Variants in TMEM247 observed in about 807,000 individuals in gnomAD.
TMEM247 encodes transmembrane protein 247.
In TMEM247, 23 loss-of-function variants were observed where a neutral mutation model predicts 20.7. That is an observed-to-expected ratio of 1.11 (90% CI 0.80 to 1.57). The LOEUF (loss-of-function observed/expected upper bound fraction) is 1.57, where lower values mean the gene tolerates loss of function less well. Among genes scored for constraint, TMEM247 ranks in the 40% most tolerant of loss-of-function variants. The probability of loss-of-function intolerance (pLI) is 0.00; values close to 1 mark genes in which losing one functional copy is unlikely to be tolerated. For missense variants in TMEM247, 354 were observed against 283.8 expected (o/e 1.25, Z -1.78); for synonymous variants, 106 against 111.9 (o/e 0.95, Z 0.33).
rs73929737 is a variant in TMEM247, at chr2:46,482,463, A to G, written c.477+1699A>G. The stretch of plus-strand genomic sequence containing the variant: ...CCTGTGTCTCCTCCTAACCATATTT[A>G]TTTTACCCCCTTTTCAGTTTGAAAA... On this transcript the variant is annotated intron_variant, in intron 2 of 2. Coordinates refer to ENST00000434431, the Ensembl canonical transcript of TMEM247. 3.0e-3 allele frequency among the ~76,000 whole-genome samples: 463 copies of G among 152,174 alleles called. 5 individuals are homozygous for G. Among genetic ancestry groups the G allele is most frequent in the African/African-American group, 0.01 (431 of 41,516 alleles).
At chr2:46,480,849 T>A in intron 2 of TMEM247, 85 bp downstream of exon 2, 1 of 1,441,468 alleles carries the variant, frequency 6.9e-7, no homozygotes, top group Non-Finnish European at 9.1e-7. Context: ...CCACCTTCCC[T>A]GCTTTGCGCG....
At chr2:46,482,468 A>C (rs2121697) in intron 2 of TMEM247, among the ~76,000 whole-genome samples, 79,090 of 152,038 alleles carry the variant, frequency 0.52, 20,979 homozygotes, top group East Asian at 0.62. Context: ...TATTTATTTT[A>C]CCCCCTTTTC....
At chr2:46,480,173 C>T (rs888439856) in intron 1 of TMEM247, among the ~76,000 whole-genome samples, 4 of 151,638 alleles carry the variant, frequency 2.6e-5, no homozygotes, top group South Asian at 2.1e-4. Flanking sequence ...ACTCCCAGTG[C>T]CTCCACTTGC....
chr2:46,481,720 C>G (rs1290167599), intron 2 of TMEM247, among the ~76,000 whole-genome samples: 2 of 152,204 alleles, frequency 1.3e-5, no homozygotes, highest in Non-Finnish European at 2.9e-5. Flanking sequence ...CTTCTTGACC[C>G]AAATGCAACA....
intron 1 of TMEM247, 54 bp from the exon 2 acceptor site, chr2:46,480,351 C>A: frequency 6.8e-7 from 1 of 1,473,106 alleles, no homozygotes. Context: ...GGGTCAGGGG[C>A]AGCCCCATCC....
At chr2:46,480,843 C>T in intron 2 of TMEM247, 79 bp downstream of exon 2, 1 of 1,448,404 alleles carries the variant, frequency 6.9e-7, no homozygotes, top group Non-Finnish European at 9.1e-7. Context: ...AGGCGCCCAC[C>T]TTCCCTGCTT....
At chr2:46,482,032 A>T (rs1025012759) in intron 2 of TMEM247, among the ~76,000 whole-genome samples, 1 of 152,234 alleles carries the variant, frequency 6.6e-6, no homozygotes, top group Non-Finnish European at 1.5e-5. Flanking sequence ...CATTACCTAT[A>T]GCATTTCCCC....
chr2:46,484,352 T>C (rs1686948406), exon 3 of TMEM247: 1 of 1,552,434 alleles, frequency 6.4e-7, no homozygotes, highest in South Asian at 1.2e-5. Flanking sequence ...GATGGTCTTC[T>C]TTCTCTTCGC....
intron 2 of TMEM247, among the ~76,000 whole-genome samples, chr2:46,483,294 CACAG>C (rs1427597123): frequency 6.6e-6 from 1 of 152,142 alleles, no homozygotes; most frequent in Admixed American, 6.5e-5. Flanking sequence ...AAGAGCAACC[CACAG>C]ACAGAATTAG....
chr2:46,484,413 C>T (rs1686950186), exon 3 of TMEM247: 3 of 1,551,238 alleles, frequency 1.9e-6, no homozygotes, highest in Non-Finnish European at 2.6e-6. Flanking sequence ...TTGATTAAAA[C>T]TTTCTGGTCA....
chr2:46,480,962 C>T (rs1396305348), intron 2 of TMEM247, among the ~76,000 whole-genome samples, 198 bp downstream of exon 2: 2 of 152,172 alleles, frequency 1.3e-5, no homozygotes, highest in African/African-American at 4.8e-5. Context: ...GAGATGTCTG[C>T]TCACTGCCTT....
At chr2:46,482,762 G>C (rs1336913232) in intron 2 of TMEM247, among the ~76,000 whole-genome samples, 1 of 152,174 alleles carries the variant, frequency 6.6e-6, no homozygotes, top group Non-Finnish European at 1.5e-5. Context: ...ACTCCCATTA[G>C]AACACTGGAT....
In TMEM247 at chr2:46,481,591, GGTT is replaced by G. The variant is rs375054961; in HGVS notation, c.477+833_477+835del. The stretch of plus-strand genomic sequence containing the variant: ...CCATGAAGTAGTACCTACCTCACAG[GGTT>G]GTTGTCAGGAATCAATGAGAGAACA... On this transcript the variant is annotated intron_variant, in intron 2 of 2. Coordinates refer to ENST00000434431, the Ensembl canonical transcript of TMEM247. Among the ~76,000 whole-genome samples, 73 of 152,212 alleles carry G rather than the reference GGTT, an allele frequency of 4.8e-4. 1 individual carries two copies. The highest frequency in any genetic ancestry group is 1.6e-3 in the African/African-American group (68 of 41,548).
At chr2:46,483,882 G>T (rs545797921) in intron 2 of TMEM247, among the ~76,000 whole-genome samples, 1 of 152,086 alleles carries the variant, frequency 6.6e-6, no homozygotes, top group African/African-American at 2.4e-5. Context: ...CGAACTCTTG[G>T]GCTCAAGTGA....
intron 2 of TMEM247, 86 bp downstream of exon 2, chr2:46,480,850 G>A: frequency 7.0e-7 from 1 of 1,433,568 alleles, no homozygotes. Context: ...CACCTTCCCT[G>A]CTTTGCGCGG....
chr2:46,483,383 G>T (rs1686926265), intron 2 of TMEM247, among the ~76,000 whole-genome samples: 2 of 152,304 alleles, frequency 1.3e-5, no homozygotes, highest in South Asian at 2.1e-4. Context: ...CTATCTCTCA[G>T]CACCTGCCTC....
At chr2:46,479,625 G>T in exon 1 of TMEM247, 1 of 1,551,766 alleles carries the variant, frequency 6.4e-7, no homozygotes, top group Non-Finnish European at 8.7e-7. Flanking sequence ...AGCCCGGGGT[G>T]CGGGAGAAAG....
At chr2:46,482,504 G>A (rs536590190) in intron 2 of TMEM247, among the ~76,000 whole-genome samples, 2 of 152,178 alleles carry the variant, frequency 1.3e-5, no homozygotes, top group South Asian at 4.1e-4. Context: ...CTCCTTGCTG[G>A]ATGAGATGGA....
At chr2:46,479,655 A>G in exon 1 of TMEM247, 4 of 1,551,712 alleles carry the variant, frequency 2.6e-6, no homozygotes, top group Non-Finnish European at 8.7e-7. Context: ...CTTCCCCAAG[A>G]TGGTGCCTGG....
Sources: allele counts gnomAD v4.1 joint callset (sites outside exome capture counted in the v4.1 genomes callset), GRCh38; gene constraint gnomAD v4.1.1; transcripts MANE v1.5; gene names NCBI Gene and HGNC (gene_info 2026-07-23, HGNC 2026-07-21).